Variants in TBC1D5 observed in about 807,000 individuals in gnomAD.
TBC1D5 encodes the protein TBC1 domain family, member 5.
TBC1D5 carries 75 observed loss-of-function variants against 100.3 expected under a neutral mutation model. That is an observed-to-expected ratio of 0.75 (90% confidence interval 0.62 to 0.91). The LOEUF is 0.91. TBC1D5 is among the 40% of genes least tolerant of loss of function. The pLI is 0.00. For missense variants in TBC1D5, 910 were observed against 942.4 expected (o/e 0.97, Z 0.45); for synonymous variants, 323 against 325.6 (o/e 0.99, Z 0.09).
intron 1 of TBC1D5, among the ~76,000 whole-genome samples, chr3:17,690,825 G>A (rs969438079): frequency 6.6e-6 from 1 of 152,200 alleles, no homozygotes; most frequent in East Asian, 1.9e-4. Flanking sequence ...CACAAAACTG[G>A]TCCCTGGTGC....
chr3:17,734,129 T>C (rs539562897), intron 1 of TBC1D5, among the ~76,000 whole-genome samples: 13 of 152,188 alleles, frequency 8.5e-5, no homozygotes, highest in Admixed American at 2.6e-4. Flanking sequence ...ATGTCTAGTG[T>C]AGCACTATTT....
intron 2 of TBC1D5, among the ~76,000 whole-genome samples, chr3:17,580,226 A>G (rs930640093): frequency 1.3e-5 from 2 of 152,004 alleles, no homozygotes; most frequent in African/African-American, 4.8e-5. Flanking sequence ...TTGAAACTTT[A>G]AAAAAAATCA....
chr3:17,231,030 A>AT (rs964258461), intron 17 of TBC1D5, among the ~76,000 whole-genome samples: 3 of 152,008 alleles, frequency 2.0e-5, no homozygotes, highest in South Asian at 2.1e-4. Context: ...GTAGAGACTC[A>AT]TTTTTTTTCT....
chr3:17,403,651 A>T (rs746853981), intron 7 of TBC1D5, among the ~76,000 whole-genome samples: 1 of 152,112 alleles, frequency 6.6e-6, no homozygotes, highest in Non-Finnish European at 1.5e-5. Flanking sequence ...AGTAATCTAG[A>T]GATTATTTAA....
intron 13 of TBC1D5, among the ~76,000 whole-genome samples, chr3:17,345,427 C>T (rs2089715042): frequency 6.6e-6 from 1 of 152,006 alleles, no homozygotes; most frequent in Non-Finnish European, 1.5e-5. Flanking sequence ...ACAACAGGTG[C>T]TGGAGAGTAT....
intron 15 of TBC1D5, among the ~76,000 whole-genome samples, chr3:17,285,973 A>G (rs547551467): frequency 6.6e-6 from 1 of 152,352 alleles, no homozygotes; most frequent in African/African-American, 2.4e-5. Context: ...TCTTCCATAA[A>G]CAATAACAGT....
intron 3 of TBC1D5, among the ~76,000 whole-genome samples, chr3:17,482,109 TTGTC>T (rs1350009049): frequency 2.0e-5 from 3 of 152,168 alleles, no homozygotes; most frequent in Non-Finnish European, 4.4e-5. Flanking sequence ...CAGAACACAA[TTGTC>T]TGAGCATTGA....
intron 15 of TBC1D5, among the ~76,000 whole-genome samples, chr3:17,285,550 G>A (rs2081103975): frequency 6.6e-6 from 1 of 151,968 alleles, no homozygotes; most frequent in Non-Finnish European, 1.5e-5. Flanking sequence ...GTGAGCCACC[G>A]CGCCCGGCCG....
intron 2 of TBC1D5, among the ~76,000 whole-genome samples, chr3:17,515,171 A>G (rs1319357546): frequency 2.0e-5 from 3 of 152,130 alleles, no homozygotes; most frequent in African/African-American, 7.2e-5. Flanking sequence ...ACAAACATCA[A>G]ATCAAATCAT....
chr3:17,637,188 ATTT>A (rs1186523023), intron 1 of TBC1D5, among the ~76,000 whole-genome samples: 1 of 95,474 alleles, frequency 1.0e-5, no homozygotes, highest in African/African-American at 4.8e-5. Flanking sequence ...TGCCCGACTA[ATTT>A]TTTTTTTTTT....
In TBC1D5 at chr3:17,637,188, A is replaced by ATTT. The variant is rs1186523023; in HGVS notation, c.-100-13278_-100-13276dup. Among the ~76,000 whole-genome samples the ATTT allele has an allele frequency of 5.2e-4, 50 of 95,490 alleles. 2 individuals are homozygous for ATTT. Among genetic ancestry groups the ATTT allele is most frequent in the African/African-American group, 1.1e-3 (22 of 20,744 alleles). 62.6% of individuals were successfully genotyped at this position (95,490 alleles called of 152,430 possible). On this transcript the variant is annotated intron_variant, in intron 1 of 21. Transcript: ENST00000253692. ...GGGTGTGTGCCACCATGCCCGACTAATTTTTTTTTTTTTTTTTTTTTTTTT... is the reference window on the plus strand; with the variant it reads ...GGGTGTGTGCCACCATGCCCGACTAATTTTTTTTTTTTTTTTTTTTTTTTTTTT...
chr3:17,201,757 C>T (rs1002403745), intron 18 of TBC1D5, among the ~76,000 whole-genome samples: 1 of 152,178 alleles, frequency 6.6e-6, no homozygotes, highest in Non-Finnish European at 1.5e-5. Context: ...GTGAATCCTT[C>T]CTCTTCACCT....
At chr3:17,732,720 A>AAAAAAAAAAAATAAATAAAT (rs142854083) in intron 1 of TBC1D5, among the ~76,000 whole-genome samples, 1 of 144,812 alleles carries the variant, frequency 6.9e-6, no homozygotes, top group Non-Finnish European at 1.5e-5. Flanking sequence ...CCGTCTCAAA[A>AAAAAAAAAAAATAAATAAAT]AAATAAATAA....
intron 4 of TBC1D5, among the ~76,000 whole-genome samples, chr3:17,424,414 C>T (rs2094290654): frequency 6.6e-6 from 1 of 152,164 alleles, no homozygotes; most frequent in Non-Finnish European, 1.5e-5. Context: ...CAGGAAATGA[C>T]TTTCCTTCTT....
Position 17,566,902 on chromosome 3 carries a change from A to G in TBC1D5, c.-36+56947T>C, listed in dbSNP as rs190602449. On this transcript the variant is annotated intron_variant, in intron 2 of 21. Transcript: ENST00000253692. ...GAGATTGCTCTTAGAATATTTTGGTAAACAAGAACCTAGTCCTTCTGTTAA... is the reference window on the plus strand; with the variant it reads ...GAGATTGCTCTTAGAATATTTTGGTGAACAAGAACCTAGTCCTTCTGTTAA... Among the ~76,000 whole-genome samples, 149 of 151,984 alleles carry G rather than the reference A, an allele frequency of 9.8e-4. 1 individual carries two copies. Among genetic ancestry groups the G allele is most frequent in the African/African-American group, 3.4e-3 (141 of 41,554 alleles).
intron 13 of TBC1D5, among the ~76,000 whole-genome samples, chr3:17,362,230 T>C (rs2091786941): frequency 6.6e-6 from 1 of 152,182 alleles, no homozygotes; most frequent in Non-Finnish European, 1.5e-5. Flanking sequence ...GCAGAGTTCT[T>C]ATATGTGACA....
intron 6 of TBC1D5, 41 bp downstream of exon 6, chr3:17,404,831 T>A (rs1444373683): frequency 6.4e-6 from 10 of 1,568,360 alleles, no homozygotes; most frequent in Non-Finnish European, 6.9e-6. Flanking sequence ...AAAGTGTACA[T>A]AAGAAAACAA....
chr3:17,159,225 C>T (rs1406228073), exon 22 of TBC1D5: 1 of 152,120 alleles, frequency 6.6e-6, no homozygotes. Context: ...GAGGAGAGTT[C>T]CCTGCTAGAG....
intron 4 of TBC1D5, among the ~76,000 whole-genome samples, chr3:17,427,524 A>G (rs867532049): frequency 4.1e-4 from 62 of 152,086 alleles, no homozygotes; most frequent in African/African-American, 1.4e-3. Flanking sequence ...CATAAATTCC[A>G]TATTTATTAT....
Sources: allele counts gnomAD v4.1 joint callset (sites outside exome capture counted in the v4.1 genomes callset), GRCh38; gene constraint gnomAD v4.1.1; transcripts MANE v1.5; gene names NCBI Gene and HGNC (gene_info 2026-07-23, HGNC 2026-07-21).